The following CA12 variants were observed in gnomAD, a reference collection of about 807,000 sequenced individuals.
The protein encoded by CA12 is carbonate dehydratase XII.
In CA12, 36 loss-of-function variants were observed where a neutral mutation model predicts 46.8. That is an observed-to-expected ratio of 0.77 (90% confidence interval 0.59 to 1.02). The LOEUF (loss-of-function observed/expected upper bound fraction) is 1.02, where lower values mean the gene tolerates loss of function less well. Ranked by LOEUF, CA12 falls within the 50% of genes least tolerant of loss-of-function variation. The pLI is 0.00. For synonymous variants in CA12, 202 were observed against 187.0 expected (o/e 1.08, Z -0.65); for missense variants, 436 against 451.4 (o/e 0.97, Z 0.31).
At chr15:63,370,185 G>T (rs1397014624) in intron 2 of CA12, among the ~76,000 whole-genome samples, 1 of 152,156 alleles carries the variant, frequency 6.6e-6, no homozygotes, top group Non-Finnish European at 1.5e-5. Context: ...TGTCTGCCAG[G>T]CACGGTGGCT....
chr15:63,334,984 A>T (rs1178279161), intron 8 of CA12, among the ~76,000 whole-genome samples: 3 of 152,214 alleles, frequency 2.0e-5, no homozygotes. Flanking sequence ...AGGGCATGTG[A>T]TATAAAACTC....
intron 2 of CA12, among the ~76,000 whole-genome samples, chr15:63,356,226 G>C (rs1367351976): frequency 2.6e-5 from 4 of 151,978 alleles, no homozygotes; most frequent in Admixed American, 6.6e-5. Context: ...AACCCCGTCT[G>C]TACTAAAAAT....
intron 2 of CA12, among the ~76,000 whole-genome samples, chr15:63,347,265 A>G (rs1360616986): frequency 6.6e-6 from 1 of 152,208 alleles, no homozygotes; most frequent in Non-Finnish European, 1.5e-5. Flanking sequence ...AAAAACCACA[A>G]CTGCTTTTGC....
Position 63,326,293 on chromosome 15 carries a change from G to C in CA12, c.1057C>G (p.His353Asp). ...KPATKMETEA[H>D]A ...CGGGAGCTCCGGGGACCTCAAGCGT[G>C]GGCCTCAGTCTCCATCTTGGTGGCT... Residue 353 changes from histidine to aspartate, a missense_variant, in exon 11 of 11, where the codon CAC (histidine) becomes GAC (aspartate). Coordinates refer to ENST00000178638, the MANE Select transcript of CA12 (RefSeq NM_001218.5). 1 of 1,613,866 alleles carries C rather than the reference G, an allele frequency of 6.2e-7. No individual in the cohort carries two copies. The highest frequency in any genetic ancestry group is 2.2e-5 in the East Asian group (1 of 44,882).
In CA12 at chr15:63,331,020, C is replaced by G. The variant is rs894179430; in HGVS notation, c.875-2890G>C. Among the ~76,000 whole-genome samples the G allele has an allele frequency of 2.6e-5, 4 of 152,200 alleles. No individual in the cohort carries two copies. The highest frequency in any genetic ancestry group is 4.4e-5 in the Non-Finnish European group (3 of 68,028). ...CATAAGCTGTTAAGGAAGAGGAATG[C>G]CGGCGAGGGTGTCACCCGATAGTTC... On this transcript the variant is annotated intron_variant, in intron 8 of 10. Coordinates refer to ENST00000178638, the MANE Select transcript of CA12 (RefSeq NM_001218.5). This position sits in a 1 kb window ranked among gnomAD's most constrained non-coding sequence, Gnocchi z 5.3.
chr15:63,381,723 TCGCGGGCTCCTGCGGGGCGGG>T lies in CA12; in HGVS notation c.-24_-4del. Reference sequence around the variant, plus strand: ...GCGTGCAGGCTGCGCCGGGGCATCTTCGCGGGCTCCTGCGGGGCGGGCGCGGGCTGTGCCGGGGGCTCCCGG... The same window carrying T: ...GCGTGCAGGCTGCGCCGGGGCATCTTCGCGGGCTGTGCCGGGGGCTCCCGG... On this transcript the variant is annotated 5_prime_UTR_variant, in exon 1 of 11. Coordinates refer to ENST00000178638, the MANE Select transcript of CA12 (RefSeq NM_001218.5). 1 of 1,589,700 alleles carries T rather than the reference TCGCGGGCTCCTGCGGGGCGGG, an allele frequency of 6.3e-7. No individual in the cohort carries two copies. Among genetic ancestry groups the T allele is most frequent in the Non-Finnish European group, 8.6e-7 (1 of 1,168,336 alleles).
intron 3 of CA12, 105 bp downstream of exon 3, chr15:63,346,425 C>CAGGG: frequency 2.2e-6 from 2 of 906,464 alleles, no homozygotes; most frequent in African/African-American, 1.6e-5. Flanking sequence ...ACCCCTCCTC[C>CAGGG]TGGATGCTTC....
chr15:63,371,431 G>A (rs577343324), intron 2 of CA12, among the ~76,000 whole-genome samples: 42 of 152,294 alleles, frequency 2.8e-4, no homozygotes, highest in African/African-American at 9.9e-4. Flanking sequence ...CCGCAACAGA[G>A]AACTGGGCAG....
rs952425048 is a variant in CA12 at position 63,327,792 on chromosome 15, C to T, written c.907+306G>A. ...TTGCCAAGGTCATGCGGCCTGTCAG[C>T]TGACCTCCACAATGGGCTCTGGTAT... On this transcript the variant is annotated intron_variant, in intron 9 of 10. Coordinates refer to ENST00000178638, the MANE Select transcript of CA12 (RefSeq NM_001218.5). This position sits in a 1 kb window ranked among gnomAD's most constrained non-coding sequence, Gnocchi z 4.5. Among the ~76,000 whole-genome samples, 1 of 152,216 alleles carries T rather than the reference C, an allele frequency of 6.6e-6. No homozygotes were observed. The highest frequency in any genetic ancestry group is 1.5e-5 in the Non-Finnish European group (1 of 68,038).
intron 4 of CA12, among the ~76,000 whole-genome samples, chr15:63,344,721 C>T (rs1239336991): frequency 2.6e-5 from 4 of 152,162 alleles, no homozygotes; most frequent in Non-Finnish European, 4.4e-5. Context: ...TTGTATTTCC[C>T]TGTAAATATT....
chr15:63,379,378 G>A (rs1231337061), intron 1 of CA12, among the ~76,000 whole-genome samples: 1 of 151,912 alleles, frequency 6.6e-6, no homozygotes, highest in Non-Finnish European at 1.5e-5. Context: ...GTATGTGTGC[G>A]TGTGTGTGTG....
At chr15:63,358,932 C>A (rs955506237) in intron 2 of CA12, among the ~76,000 whole-genome samples, 1 of 152,178 alleles carries the variant, frequency 6.6e-6, no homozygotes. Context: ...ACTAACCCCC[C>A]ACTCCTGATT....
chr15:63,340,210 A>G lies in CA12; in HGVS notation c.747+78T>C. The G allele has an allele frequency of 6.7e-7, 1 of 1,501,228 alleles. No individual in the cohort carries two copies. Among genetic ancestry groups the G allele is most frequent in the Non-Finnish European group, 9.3e-7 (1 of 1,080,328 alleles). The allele number at this position is 1,501,228 out of a possible 1,614,324, so 93.0% of individuals were successfully genotyped here. On this transcript the variant is annotated intron_variant, in intron 7 of 10. Transcript: ENST00000178638. This position sits in a 1 kb window ranked among gnomAD's most constrained non-coding sequence, Gnocchi z 4.4. ...CCAATGAAACTAAATGAGGAAATCA[A>G]GTCATTGATTGTGATATGGAGGATG...
chr15:63,351,830 T>C (rs1162152666), intron 2 of CA12, among the ~76,000 whole-genome samples: 1 of 152,194 alleles, frequency 6.6e-6, no homozygotes, highest in Non-Finnish European at 1.5e-5. Flanking sequence ...AGAGCCAGAC[T>C]AGTACAGAAA....
At chr15:63,346,460 G>A (rs2039149288) in intron 3 of CA12, 70 bp downstream of exon 3, 1 of 1,453,640 alleles carries the variant, frequency 6.9e-7, no homozygotes, top group Non-Finnish European at 9.6e-7. Context: ...CTGCCAGATG[G>A]AAAAGGACAG....
Position 63,345,628 on chromosome 15 carries a change from A to G in CA12, c.287-9T>C. The G allele has an allele frequency of 6.2e-7, 1 of 1,610,710 alleles. No individual in the cohort carries two copies. On this transcript the variant is annotated splice_polypyrimidine_tract_variant and intron_variant, in intron 3 of 10. Transcript: ENST00000178638. The surrounding 1 kb of genome is among the most constrained non-coding windows in gnomAD (Gnocchi z 4.3). ...GGGCAGGTTCAGCTTCACTGCGGGG[A>G]GTGGAGGAGCAGCCTTCAGAGCCCC...
chr15:63,369,274 T>G (rs1177432485), intron 2 of CA12, among the ~76,000 whole-genome samples: 12 of 152,228 alleles, frequency 7.9e-5, no homozygotes, highest in Admixed American at 7.9e-4. Context: ...GAACCCTTCC[T>G]AACAAAAATA....
chr15:63,381,806 T>G lies in CA12; in HGVS notation c.-86A>C. 1.1e-6 allele frequency: 1 copy of G among 899,308 alleles called. No homozygotes were observed. The highest frequency in any genetic ancestry group is 1.6e-6 in the Non-Finnish European group (1 of 639,192). 55.7% of individuals were successfully genotyped at this position (899,308 alleles called of 1,614,324 possible). A position where few individuals can be genotyped will look rare whatever the true frequency, so the allele number is the denominator to read the frequency against. On this transcript the variant is annotated 5_prime_UTR_variant, in exon 1 of 11. Transcript: ENST00000178638. Reference sequence around the variant, plus strand: ...TCTCCAGCTGCACACCGGGACCGCGTGCGCGCAGCCTGGGTGCCGTGGCGA... The same window carrying G: ...TCTCCAGCTGCACACCGGGACCGCGGGCGCGCAGCCTGGGTGCCGTGGCGA...
intron 2 of CA12, among the ~76,000 whole-genome samples, chr15:63,357,956 CATA>C (rs2039314718): frequency 1.3e-5 from 2 of 152,166 alleles, no homozygotes; most frequent in Admixed American, 1.3e-4. Context: ...TTTCATCTGG[CATA>C]ATGTTTCCAA....
Sources: allele counts gnomAD v4.1 joint callset (sites outside exome capture counted in the v4.1 genomes callset), GRCh38; gene constraint gnomAD v4.1.1; non-coding constraint Gnocchi (gnomAD v3.1); transcripts MANE v1.5; gene names NCBI Gene and HGNC (gene_info 2026-07-23, HGNC 2026-07-21).